Variants in ANO4 observed in about 807,000 individuals in gnomAD.
ANO4 encodes the protein anoctamin 4, also known as anoctamin-4.
In ANO4, 69 loss-of-function variants were observed where a neutral mutation model predicts 141.9. The ratio of observed to expected loss-of-function variants is 0.49; its 90% CI spans 0.40 to 0.59. The LOEUF (loss-of-function observed/expected upper bound fraction) is 0.59. ANO4 is among the 20% of genes least tolerant of loss of function. ANO4 has a pLI of 0.00. For synonymous variants in ANO4, 350 were observed against 394.3 expected, an observed-to-expected ratio of 0.89 and a Z score of 1.33; for missense variants, 894 against 1,162.2, an observed-to-expected ratio of 0.77 and a Z score of 3.36.
chr12:100,794,059 C>T (rs1008659457), upstream of ANO4, among the ~76,000 whole-genome samples: 3 of 152,130 alleles, frequency 2.0e-5, no homozygotes, highest in Admixed American at 2.0e-4. Context: ...AGAAGCTCAC[C>T]TCTAACAATA....
chr12:100,966,128 A>C (rs921152229), intron 5 of ANO4, among the ~76,000 whole-genome samples: 1 of 152,166 alleles, frequency 6.6e-6, no homozygotes. Context: ...AAATCCTTCC[A>C]AAATACTGGT....
intron 24 of ANO4, among the ~76,000 whole-genome samples, chr12:101,112,537 T>C (rs2050700966): frequency 6.6e-6 from 1 of 152,186 alleles, no homozygotes; most frequent in East Asian, 1.9e-4. Context: ...TGTTTGGGGA[T>C]CACAGGGTCT....
At chr12:100,745,717 T>A (rs553910550) in intron 3 of ANO4, among the ~76,000 whole-genome samples, 2 of 152,186 alleles carry the variant, frequency 1.3e-5, no homozygotes, top group Non-Finnish European at 2.9e-5. Context: ...TGCTTTAAGA[T>A]AATAGAATGT....
In ANO4 at chr12:100,942,411, A is replaced by G. The variant is rs1324414033; in HGVS notation, c.332A>G (p.Tyr111Cys). The G allele has an allele frequency of 1.2e-6, 2 of 1,614,102 alleles. No individual in the cohort carries two copies. The highest frequency in any genetic ancestry group is 2.2e-5 in the East Asian group (1 of 44,862). Residue 111 changes from tyrosine to cysteine, a missense_variant, in exon 5 of 28, where the codon TAC becomes TGC. Tyr to Cys is a radical substitution (Grantham distance 194, BLOSUM62 -2). This residue lies in a region of ANO4 where 257 missense variants were observed against 253.0 expected (regional missense o/e 1.02). Coordinates refer to ENST00000392977, the MANE Select transcript of ANO4 (RefSeq NM_001286615.2). ...VPERNKSNGL[Y>C]FRDGKCRIDY... ...GAAAGAAACAAATCAAATGGACTTT[A>G]CTTTCGAGATGGAAAGTGTCGAATT...
chr12:101,009,454 C>T (rs959852066), intron 8 of ANO4, among the ~76,000 whole-genome samples: 7 of 152,096 alleles, frequency 4.6e-5, no homozygotes, highest in Non-Finnish European at 1.5e-5. Context: ...CATTATACTG[C>T]ACTCATTATG....
chr12:101,071,871 G>A (rs950676491), intron 14 of ANO4, among the ~76,000 whole-genome samples: 2 of 152,000 alleles, frequency 1.3e-5, no homozygotes, highest in Non-Finnish European at 2.9e-5. Flanking sequence ...ATTAAAAAAG[G>A]TACAGCATTT....
intron 14 of ANO4, 27 bp from the exon 15 acceptor site, chr12:101,079,166 G>A: frequency 5.6e-6 from 9 of 1,600,220 alleles, no homozygotes; most frequent in Non-Finnish European, 7.7e-6. Flanking sequence ...ATTCAAAAAT[G>A]TCTTTGTCTT....
rs562961233 is a variant in ANO4 at position 100,781,737 on chromosome 12, C to T, written c.358+41632C>T. Among the ~76,000 whole-genome samples the T allele has an allele frequency of 9.2e-5, 14 of 152,262 alleles. 1 individual carries two copies. Among genetic ancestry groups the T allele is most frequent in the African/African-American group, 3.1e-4 (13 of 41,542 alleles). ...TGCTACATAGGGCTCCTTTCATTATCCCCTGCCATGGATGCATGTTTTGAA... is the reference window on the plus strand; with the variant it reads ...TGCTACATAGGGCTCCTTTCATTATTCCCTGCCATGGATGCATGTTTTGAA... On this transcript the variant is annotated intron_variant, in intron 3 of 29. Transcript: ENST00000644049.
chr12:100,986,210 A>G (rs2673659), intron 7 of ANO4, among the ~76,000 whole-genome samples: 87,700 of 151,868 alleles, frequency 0.58, 25,635 homozygotes, highest in Admixed American at 0.71. Context: ...GATTCTGGAG[A>G]GCAAGAAGTC....
At chr12:100,780,604 A>T (rs148888784) in intron 3 of ANO4, among the ~76,000 whole-genome samples, 170 of 152,364 alleles carry the variant, frequency 1.1e-3, no homozygotes, top group Non-Finnish European at 2.1e-3. Context: ...ATTAGTGTAT[A>T]ATGAGCAATG....
rs184861521 is a variant in ANO4, at chr12:100,806,275, G to A, written c.-141+11248G>A. Among the ~76,000 whole-genome samples, 245 of 152,170 alleles carry A rather than the reference G, an allele frequency of 1.6e-3. 1 individual carries two copies. Among genetic ancestry groups the A allele is most frequent in the African/African-American group, 5.3e-3 (220 of 41,526 alleles). On this transcript the variant is annotated intron_variant, in intron 1 of 27. Coordinates refer to ENST00000392977, the MANE Select transcript of ANO4 (RefSeq NM_001286615.2). ...AATCACCATTAACAGAAGTGCGCCA[G>A]TTTATACTCCCATCAGCAATGAATG...
At chr12:100,944,342 C>T (rs1355498250) in intron 5 of ANO4, among the ~76,000 whole-genome samples, 1 of 151,404 alleles carries the variant, frequency 6.6e-6, no homozygotes, top group East Asian at 1.9e-4. Flanking sequence ...ACGATTTTGT[C>T]TATATACAAG....
intron 18 of ANO4, among the ~76,000 whole-genome samples, chr12:101,095,969 A>G (rs942858758): frequency 1.1e-4 from 16 of 152,230 alleles, no homozygotes; most frequent in African/African-American, 3.4e-4. Context: ...ATATGAATTA[A>G]AACCTCTAAA....
chr12:100,989,398 TC>T (rs2044932452), intron 8 of ANO4, among the ~76,000 whole-genome samples: 1 of 152,242 alleles, frequency 6.6e-6, no homozygotes, highest in Non-Finnish European at 1.5e-5. Flanking sequence ...ATGAGTTGTT[TC>T]CCTAATTCTT....
Position 100,738,779 on chromosome 12 carries a change from A to T in ANO4, c.107-1075A>T, listed in dbSNP as rs191044740. ...TCAAGCAACTTGACATGACCATCAT[A>T]TCACAGTTACCTTTTTTAACATGTG... On this transcript the variant is annotated intron_variant, in intron 2 of 29. Transcript: ENST00000644049. 6.6e-5 allele frequency among the ~76,000 whole-genome samples: 10 copies of T among 152,022 alleles called. No homozygotes were observed. In the East Asian group the frequency reaches 1.7e-3, roughly 26 times the overall value.
chr12:100,766,216 C>G (rs906202424), intron 3 of ANO4, among the ~76,000 whole-genome samples: 2 of 152,082 alleles, frequency 1.3e-5, no homozygotes, highest in Admixed American at 1.3e-4. Context: ...CTTTTTAAAG[C>G]TATATAGTAT....
At chr12:100,861,797 T>C (rs1467049278) in intron 1 of ANO4, among the ~76,000 whole-genome samples, 1 of 152,234 alleles carries the variant, frequency 6.6e-6, no homozygotes, top group Non-Finnish European at 1.5e-5. Flanking sequence ...AAGTATTTCC[T>C]TTCATTGCAT....
At position 101,018,788 on chromosome 12, in the gene ANO4, A is replaced by G. The variant is rs76059555; in HGVS notation, c.735-1246A>G. Among the ~76,000 whole-genome samples the G allele has an allele frequency of 4.3e-3, 655 of 152,240 alleles. 4 individuals carry two copies. Among genetic ancestry groups the G allele is most frequent in the African/African-American group, 0.015 (626 of 41,528 alleles). ...CATGGAAGGAAAGGCATGCAGAAGGAGGTTGACCTTGCCTTTCTCTGGCAT... is the reference window on the plus strand; with the variant it reads ...CATGGAAGGAAAGGCATGCAGAAGGGGGTTGACCTTGCCTTTCTCTGGCAT... On this transcript the variant is annotated intron_variant, in intron 8 of 27. Transcript: ENST00000392977.
At chr12:100,846,046 G>T (rs2037540148) in intron 1 of ANO4, among the ~76,000 whole-genome samples, 1 of 152,142 alleles carries the variant, frequency 6.6e-6, no homozygotes, top group South Asian at 2.1e-4. Flanking sequence ...TAGCTGCTCT[G>T]TGTTTATTTT....
Sources: gnomAD v4.1 joint callset for allele counts (sites outside exome capture counted in the v4.1 genomes callset) on GRCh38, gnomAD v4.1.1 for gene constraint, gnomAD v4.1.1 regional missense constraint, MANE v1.5 for transcripts, NCBI Gene and HGNC (gene_info 2026-07-23, HGNC 2026-07-21) for gene names.